KPNA1: variants seen among roughly 807,000 people sequenced by gnomAD.
The protein encoded by KPNA1 is karyopherin subunit alpha 1.
Under a neutral mutation model 70.5 loss-of-function variants are expected in KPNA1, and 10 were observed. That is an observed-to-expected ratio of 0.14 (90% CI 0.09 to 0.24). The LOEUF (loss-of-function observed/expected upper bound fraction) is 0.24, where lower values mean the gene tolerates loss of function less well. Ranked by LOEUF, KPNA1 falls within the 10% of genes least tolerant of loss-of-function variation. The pLI, the probability that KPNA1 is intolerant of heterozygous loss-of-function variation, is 1.00. For missense variants in KPNA1, 397 were observed against 637.9 expected (o/e 0.62, Z 4.07); for synonymous variants, 192 against 221.9 (o/e 0.87, Z 1.20).
rs2075776197 is a variant in KPNA1 at position 122,422,701 on chromosome 3, CG to C, written c.*4283del. 6.6e-6 allele frequency: 1 copy of C among 152,200 alleles called. No individual in the cohort carries two copies. The highest frequency in any genetic ancestry group is 6.5e-5 in the Admixed American group (1 of 15,284). 9.4% of individuals were successfully genotyped at this position (152,200 alleles called of 1,614,324 possible). ...GTAACCTTGGGGCAAAGTAATTTCTCGTAAGTCTTCACTTTGTCATCTATAA... is the reference window on the plus strand; with the variant it reads ...GTAACCTTGGGGCAAAGTAATTTCTCTAAGTCTTCACTTTGTCATCTATAA... On this transcript the variant is annotated 3_prime_UTR_variant, in exon 14 of 14. Coordinates refer to ENST00000344337, the MANE Select transcript of KPNA1 (RefSeq NM_002264.4).
chr3:122,453,906 C>T lies in KPNA1; in HGVS notation c.528G>A (p.Glu176=). The T allele has an allele frequency of 6.2e-7, 1 of 1,612,598 alleles. No individual in the cohort carries two copies. Among genetic ancestry groups the T allele is most frequent in the Non-Finnish European group, 8.5e-7 (1 of 1,179,244 alleles). ...IQAGAVPIFI[E]LLSSEFEDVQ... is the part of the protein sequence containing the mutation. ...CATCTTCAAACTCTGAGCTGAGCAA[C>T]TCTATGAAGATGGGCACAGCTCCTG... Residue 176 remains glutamate (E), a synonymous_variant, in exon 6 of 14, where the codon GAG becomes GAA. Transcript: ENST00000344337.
At chr3:122,434,665 C>T (rs147269752) in intron 11 of KPNA1, among the ~76,000 whole-genome samples, 171 of 152,344 alleles carry the variant, frequency 1.1e-3, no homozygotes, top group African/African-American at 3.8e-3. Context: ...AAGCCACCAC[C>T]TCCCAGATTA....
chr3:122,478,826 G>A (rs1244133951), intron 2 of KPNA1, among the ~76,000 whole-genome samples: 32 of 147,188 alleles, frequency 2.2e-4, no homozygotes, highest in African/African-American at 6.5e-4. Flanking sequence ...TCCAGGAGGC[G>A]GAGGTTGCAA....
chr3:122,497,788 G>A (rs1441390141), intron 1 of KPNA1, among the ~76,000 whole-genome samples: 1 of 152,024 alleles, frequency 6.6e-6, no homozygotes, highest in African/African-American at 2.4e-5. Flanking sequence ...TTATTGAGTT[G>A]TAAGAGTTCT....
intron 11 of KPNA1, among the ~76,000 whole-genome samples, chr3:122,436,548 ACT>A (rs2075991377): frequency 2.0e-5 from 3 of 152,196 alleles, no homozygotes; most frequent in Non-Finnish European, 4.4e-5. Flanking sequence ...ACCGGCCGAC[ACT>A]TAGGGAAAAC....
chr3:122,467,838 C>G (rs781716713), intron 2 of KPNA1, among the ~76,000 whole-genome samples: 32 of 152,196 alleles, frequency 2.1e-4, no homozygotes, highest in Non-Finnish European at 4.7e-4. Flanking sequence ...ATACTTCCCT[C>G]CTAATCTCCA....
chr3:122,451,438 T>G, intron 8 of KPNA1, 96 bp downstream of exon 8: 1 of 671,962 alleles, frequency 1.5e-6, no homozygotes, highest in Non-Finnish European at 2.5e-6. Context: ...CATTTTAAAT[T>G]TTAACAAAAA....
rs1238856979 is a variant in KPNA1 at position 122,496,542 on chromosome 3, G to A, written c.24C>T (p.Asn8=). MTTPGKE[N]FRLKSYKNKS... The stretch of plus-strand genomic sequence containing the variant: ...TGTTCTTGTAACTTTTCAGGCGAAA[G>A]TTCTCTTTTCCTGGGGTGGTCATGA... The change falls in exon 2 of 14, where the codon AAC becomes AAT. Residue 8 remains asparagine (N), a synonymous_variant. Transcript: ENST00000344337. 6 of 1,613,910 alleles carry A rather than the reference G, an allele frequency of 3.7e-6. No homozygotes were observed. The highest frequency in any genetic ancestry group is 5.1e-6 in the Non-Finnish European group (6 of 1,179,832).
chr3:122,435,240 A>T (rs1415857867), intron 11 of KPNA1, among the ~76,000 whole-genome samples: 3 of 152,122 alleles, frequency 2.0e-5, no homozygotes, highest in African/African-American at 7.2e-5. Flanking sequence ...GGATTAGATG[A>T]TCTCTCTGTT....
chr3:122,493,873 C>A (rs970263912), intron 2 of KPNA1, among the ~76,000 whole-genome samples: 7 of 152,164 alleles, frequency 4.6e-5, no homozygotes, highest in African/African-American at 1.7e-4. Context: ...GCATGAGCCA[C>A]CCCGCCCAGC....
In KPNA1 at chr3:122,461,241, C is replaced by G. The variant is rs1007284107; in HGVS notation, c.415G>C (p.Glu139Gln). ...ATTCGCACCTGCAGTGTACAATTCT[C>G]TTTTCGTTTGAGGAACTCCACAAAC... is the stretch of plus-strand genomic sequence containing the variant. Reference protein sequence around the residue: ...ARFVEFLKRKENCTLQFESAW... With the variant: ...ARFVEFLKRKQNCTLQFESAW... The change falls in exon 5 of 14, where the codon GAG becomes CAG. Residue 139 changes from glutamate to glutamine, a missense_variant. Coordinates refer to ENST00000344337, the MANE Select transcript of KPNA1 (RefSeq NM_002264.4). The G allele has an allele frequency of 6.2e-7, 1 of 1,611,774 alleles. No individual in the cohort carries two copies. Among genetic ancestry groups the G allele is most frequent in the African/African-American group, 1.3e-5 (1 of 74,958 alleles).
intron 11 of KPNA1, among the ~76,000 whole-genome samples, chr3:122,434,407 T>TTC (rs1171681823): frequency 6.6e-6 from 1 of 152,096 alleles, no homozygotes; most frequent in Non-Finnish European, 1.5e-5. Context: ...TGCTATTCCA[T>TTC]TCTCTCATAG....
At chr3:122,476,884 A>AAAAAAAAC in intron 2 of KPNA1, among the ~76,000 whole-genome samples, 1 of 138,648 alleles carries the variant, frequency 7.2e-6, no homozygotes, top group South Asian at 2.2e-4. Flanking sequence ...AAAAAAAAAA[A>AAAAAAAAC]CTAAAAAAAG....
chr3:122,446,198 C>T (rs1343385252), intron 9 of KPNA1, among the ~76,000 whole-genome samples: 6 of 152,186 alleles, frequency 3.9e-5, no homozygotes, highest in Admixed American at 3.9e-4. Context: ...GAACTCTCCA[C>T]CCCAAATCAA....
chr3:122,453,521 T>C (rs1405529110), intron 6 of KPNA1, among the ~76,000 whole-genome samples: 2 of 151,246 alleles, frequency 1.3e-5, no homozygotes, highest in Non-Finnish European at 2.9e-5. Flanking sequence ...TGGTTTTTTT[T>C]GTTTTTCTTT....
At chr3:122,471,293 G>T (rs2076439393) in intron 2 of KPNA1, among the ~76,000 whole-genome samples, 1 of 152,164 alleles carries the variant, frequency 6.6e-6, no homozygotes, top group African/African-American at 2.4e-5. Context: ...AAAGTTTGCA[G>T]TATGTCCCAA....
At chr3:122,435,719 T>C (rs1335605505) in intron 11 of KPNA1, among the ~76,000 whole-genome samples, 2 of 152,218 alleles carry the variant, frequency 1.3e-5, no homozygotes, top group East Asian at 1.9e-4. Flanking sequence ...GAACATAAAC[T>C]GTGAAGATTT....
At chr3:122,448,991 C>T (rs1264011099) in intron 9 of KPNA1, among the ~76,000 whole-genome samples, 2 of 152,136 alleles carry the variant, frequency 1.3e-5, no homozygotes, top group East Asian at 1.9e-4. Flanking sequence ...GTCATGTTTG[C>T]GACAATGTCT....
At chr3:122,506,930 CA>C (rs2076896528) in intron 1 of KPNA1, among the ~76,000 whole-genome samples, 1 of 152,052 alleles carries the variant, frequency 6.6e-6, no homozygotes, top group African/African-American at 2.4e-5. Context: ...ATAAAGGAAA[CA>C]AAACTAGTAG....
Sources: gnomAD v4.1 joint callset for allele counts (sites outside exome capture counted in the v4.1 genomes callset) on GRCh38, gnomAD v4.1.1 for gene constraint, MANE v1.5 for transcripts, NCBI Gene and HGNC (gene_info 2026-07-23, HGNC 2026-07-21) for gene names.